AXDND1: variants seen among roughly 807,000 people sequenced by gnomAD.
AXDND1 encodes axonemal dynein light chain domain-containing protein 1.
AXDND1 carries 110 observed loss-of-function variants against 137.5 expected under a neutral mutation model. The ratio of observed to expected loss-of-function variants is 0.80; its 90% CI spans 0.69 to 0.94. The LOEUF is 0.94. Ranked by LOEUF, AXDND1 falls within the 40% of genes least tolerant of loss-of-function variation. The pLI, the probability that AXDND1 is intolerant of heterozygous loss-of-function variation, is 0.00. For synonymous variants in AXDND1, 414 were observed against 399.7 expected (o/e 1.04, Z -0.43); for missense variants, 1,191 against 1,169.8 (o/e 1.02, Z -0.26).
chr1:179,540,635 A>G (rs774087391), intron 25 of AXDND1, among the ~76,000 whole-genome samples: 2 of 152,144 alleles, frequency 1.3e-5, no homozygotes, highest in Middle Eastern at 3.2e-3. Flanking sequence ...GTCGGCCCCA[A>G]CTGGGAGGTA....
rs376189496 is a variant in AXDND1 at position 179,488,634 on chromosome 1, C to CTCTTT, written c.2092-2904_2092-2903insTCTTT. ...TTTCTTTCTTTCTCTCTCTCTCTCT[C>CTCTTT]CTTTCTTTCTTTCTTTCTTTCTTTC... On this transcript the variant is annotated intron_variant, in intron 18 of 25. Coordinates refer to ENST00000367618, the MANE Select transcript of AXDND1 (RefSeq NM_144696.6). 3.6e-3 allele frequency among the ~76,000 whole-genome samples: 380 copies of CTCTTT among 105,244 alleles called. 36 individuals carry two copies. The highest frequency in any genetic ancestry group is 8.7e-3 in the African/African-American group (223 of 25,652). 69.0% of individuals were successfully genotyped at this position (105,244 alleles called of 152,430 possible). A position where few individuals can be genotyped will look rare whatever the true frequency, so the allele number is the denominator to read the frequency against.
intron 6 of AXDND1, among the ~76,000 whole-genome samples, chr1:179,380,860 C>G (rs1296910506): frequency 6.6e-6 from 1 of 152,044 alleles, no homozygotes; most frequent in Non-Finnish European, 1.5e-5. Flanking sequence ...ATACCCTCTA[C>G]CTTGAGTCAC....
chr1:179,461,702 TTGTC>T (rs1662347391), intron 16 of AXDND1, among the ~76,000 whole-genome samples: 1 of 152,202 alleles, frequency 6.6e-6, no homozygotes, highest in African/African-American at 2.4e-5. Context: ...GTTCTGCCGT[TTGTC>T]TGTGTCCTCT....
At chr1:179,535,110 C>T in intron 25 of AXDND1, 148 bp downstream of exon 25, 2 of 1,211,112 alleles carry the variant, frequency 1.7e-6, no homozygotes, top group South Asian at 2.8e-5. Context: ...ATTTTAATCA[C>T]ATAACCATCT....
chr1:179,383,328 A>G (rs1648684587), intron 7 of AXDND1, 114 bp from the exon 8 acceptor site: 5 of 740,440 alleles, frequency 6.8e-6, no homozygotes, highest in Non-Finnish European at 1.1e-5. Flanking sequence ...TTAAAATGCC[A>G]TTAATATCCC....
chr1:179,494,263 T>C (rs940962916), intron 20 of AXDND1, among the ~76,000 whole-genome samples: 1 of 152,132 alleles, frequency 6.6e-6, no homozygotes, highest in African/African-American at 2.4e-5. Context: ...ATATAGTCAG[T>C]CTTTTAAAAT....
chr1:179,417,281 T>A (rs1654854284), intron 12 of AXDND1, among the ~76,000 whole-genome samples: 1 of 152,106 alleles, frequency 6.6e-6, no homozygotes, highest in Non-Finnish European at 1.5e-5. Flanking sequence ...AAATATTTTC[T>A]CTATCTCTGT....
At chr1:179,527,773 C>T (rs1262451585) in intron 22 of AXDND1, among the ~76,000 whole-genome samples, 2 of 152,106 alleles carry the variant, frequency 1.3e-5, no homozygotes, top group Admixed American at 1.3e-4. Context: ...TGTGTGAGAT[C>T]GAAGAACCTG....
chr1:179,475,086 A>G (rs1664443733), intron 17 of AXDND1, among the ~76,000 whole-genome samples: 1 of 152,154 alleles, frequency 6.6e-6, no homozygotes, highest in Non-Finnish European at 1.5e-5. Context: ...AGGTTTGGGA[A>G]CCTTCACCTA....
intron 20 of AXDND1, among the ~76,000 whole-genome samples, chr1:179,500,016 C>T (rs1301556756): frequency 6.6e-6 from 1 of 152,054 alleles, no homozygotes; most frequent in Non-Finnish European, 1.5e-5. Context: ...TAATTCTGTT[C>T]TTATACAGAC....
intron 25 of AXDND1, among the ~76,000 whole-genome samples, chr1:179,553,756 T>C (rs1349718819): frequency 6.6e-6 from 1 of 152,144 alleles, no homozygotes; most frequent in Non-Finnish European, 1.5e-5. Context: ...TTTCTTTTTT[T>C]CTTTCTTTGA....
intron 11 of AXDND1, among the ~76,000 whole-genome samples, chr1:179,401,956 G>A (rs1254146732): frequency 6.6e-6 from 1 of 152,082 alleles, no homozygotes; most frequent in African/African-American, 2.4e-5. Flanking sequence ...GGCGGATCAC[G>A]AGGTTAAGAG....
chr1:179,451,077 G>T (rs1170454633), intron 16 of AXDND1: 1 of 152,080 alleles, frequency 6.6e-6, no homozygotes, highest in Non-Finnish European at 1.5e-5. Flanking sequence ...TCTGGTTTTG[G>T]TGTCAGCATA....
At chr1:179,455,146 A>G (rs1233932521) in intron 16 of AXDND1, 1 of 150,876 alleles carries the variant, frequency 6.6e-6, no homozygotes, top group Non-Finnish European at 1.5e-5. Flanking sequence ...ATGGTGGCAC[A>G]TGCCTGTAAT....
At chr1:179,445,470 C>A (rs760452002) in intron 16 of AXDND1, among the ~76,000 whole-genome samples, 24 of 152,002 alleles carry the variant, frequency 1.6e-4, no homozygotes, top group Non-Finnish European at 3.5e-4. Flanking sequence ...TTATTTTCAT[C>A]AAAATGAACC....
At chr1:179,466,111 T>G (rs1336173151) in intron 16 of AXDND1, among the ~76,000 whole-genome samples, 1 of 152,100 alleles carries the variant, frequency 6.6e-6, no homozygotes, top group Non-Finnish European at 1.5e-5. Flanking sequence ...TCACACTCCA[T>G]GGGCTGCACC....
intron 16 of AXDND1, among the ~76,000 whole-genome samples, chr1:179,465,525 G>T (rs941817212): frequency 6.6e-6 from 1 of 152,222 alleles, no homozygotes; most frequent in African/African-American, 2.4e-5. Context: ...GGTGTCAGTT[G>T]GCCCCTACTG....
intron 25 of AXDND1, among the ~76,000 whole-genome samples, chr1:179,535,255 G>C (rs1671427614): frequency 6.6e-6 from 1 of 151,692 alleles, no homozygotes; most frequent in Admixed American, 6.6e-5. Context: ...TTAAGTTCTG[G>C]GGAACATGTG....
chr1:179,491,720 C>T lies in AXDND1; in HGVS notation c.2274C>T (p.Tyr758=), dbSNP rs940473106. 4 of 1,564,998 alleles carry T rather than the reference C, an allele frequency of 2.6e-6. No individual in the cohort carries two copies. Among genetic ancestry groups the T allele is most frequent in the Non-Finnish European group, 3.5e-6 (4 of 1,158,150 alleles). ...AACTGACAAGGAAGTTGTACCAATA[C>T]TCCAGCTATTTGAGCAGGTGAAGCG... is the stretch of plus-strand genomic sequence containing the variant. ...AIELTRKLYQ[Y]SSYLSSCCKG... The change falls in exon 19 of 26, where the codon TAC becomes TAT. Residue 758 remains tyrosine, a synonymous_variant. Transcript: ENST00000367618.
Sources: gnomAD v4.1 joint callset for allele counts (sites outside exome capture counted in the v4.1 genomes callset) on GRCh38, gnomAD v4.1.1 for gene constraint, MANE v1.5 for transcripts, NCBI Gene and HGNC (gene_info 2026-07-23, HGNC 2026-07-21) for gene names.